MAX: variants seen among roughly 807,000 people sequenced by gnomAD.
MAX encodes MYC associated transcriptional regulator X.
A neutral mutation model predicts 22.3 loss-of-function variants in MAX; 3 were observed. The ratio of observed to expected loss-of-function variants is 0.13; its 90% CI spans 0.06 to 0.35. MAX has a LOEUF of 0.35. Among genes scored for constraint, MAX ranks in the 10% least tolerant of loss-of-function variants. The pLI is 1.00. For synonymous variants in MAX, 72 were observed against 77.7 expected (o/e 0.93, Z 0.39); for missense variants, 119 against 209.4 (o/e 0.57, Z 2.66).
intron 3 of MAX, among the ~76,000 whole-genome samples, chr14:65,040,283 GTA>G (rs570646451): frequency 0.01 from 1,500 of 146,996 alleles, 27 homozygotes; most frequent in African/African-American, 0.034. Context: ...ATATATGTGT[GTA>G]TATATATATA....
chr14:65,047,700 T>C lies in MAX; in HGVS notation c.172-41416A>G, dbSNP rs1327695700. Reference sequence around the variant, plus strand: ...CAGGGATATTAGCAAAGGATGTATATTGAAGTGGAGTTTCAATAGCAGCCT... The same window carrying C: ...CAGGGATATTAGCAAAGGATGTATACTGAAGTGGAGTTTCAATAGCAGCCT... On this transcript the variant is annotated intron_variant, in intron 3 of 3. Transcript: ENST00000341653. The surrounding 1 kb of genome is among the most constrained non-coding windows in gnomAD (Gnocchi z 5.2). 6.6e-6 allele frequency among the ~76,000 whole-genome samples: 1 copy of C among 152,168 alleles called. No individual in the cohort carries two copies. Among genetic ancestry groups the C allele is most frequent in the Admixed American group, 6.5e-5 (1 of 15,278 alleles).
In MAX at chr14:65,014,878, C is replaced by T. The variant is rs1472386693; in HGVS notation, c.172-8594G>A. Among the ~76,000 whole-genome samples the T allele has an allele frequency of 6.6e-6, 1 of 152,086 alleles. No homozygotes were observed. Among genetic ancestry groups the T allele is most frequent in the Non-Finnish European group, 1.5e-5 (1 of 68,004 alleles). ...CCCCAGTGTCTAATACAGTGCTTGG[C>T]ACAAGTAGATACTATCAAATATTTG... is the stretch of plus-strand genomic sequence containing the variant. On this transcript the variant is annotated intron_variant, in intron 3 of 3. Coordinates refer to the MAX transcript ENST00000341653. This position sits in a 1 kb window ranked among gnomAD's most constrained non-coding sequence, Gnocchi z 5.1.
chr14:65,019,410 C>T (rs2061845552), intron 3 of MAX, among the ~76,000 whole-genome samples: 1 of 151,968 alleles, frequency 6.6e-6, no homozygotes, highest in Admixed American at 6.6e-5. Context: ...TTGCTTGAAT[C>T]CGGGAGGCAG....
intron 3 of MAX, among the ~76,000 whole-genome samples, chr14:65,006,809 T>C (rs1322156708): frequency 6.6e-6 from 1 of 152,264 alleles, no homozygotes; most frequent in African/African-American, 2.4e-5. Context: ...AGAAAGACTT[T>C]TATTCACACT....
At position 65,093,986 on chromosome 14, in the gene MAX, A is replaced by G; in HGVS notation, c.64-171T>C. ...AGTCTCCAGAATTAGGCTCTGCTAA[A>G]GGGGGAGAAAGGGGTGAGCAACGCT... On this transcript the variant is annotated intron_variant, in intron 2 of 4. Coordinates refer to ENST00000358664, the MANE Select transcript of MAX (RefSeq NM_002382.5). This position sits in a 1 kb window ranked among gnomAD's most constrained non-coding sequence, Gnocchi z 4.4. 1 of 667,384 alleles carries G rather than the reference A, an allele frequency of 1.5e-6. No homozygotes were observed. The highest frequency in any genetic ancestry group is 1.6e-5 in the South Asian group (1 of 63,660). 41.3% of individuals were successfully genotyped at this position (667,384 alleles called of 1,614,324 possible). A position where few individuals can be genotyped will look rare whatever the true frequency, so the allele number is the denominator to read the frequency against.
intron 2 of MAX, among the ~76,000 whole-genome samples, chr14:65,095,665 C>G (rs2063645098): frequency 6.6e-6 from 1 of 152,136 alleles, no homozygotes; most frequent in African/African-American, 2.4e-5. Flanking sequence ...TATATACTAC[C>G]TAAGGTGGTT....
rs765160083 is a variant in MAX at position 65,030,729 on chromosome 14, G to C, written c.172-24445C>G. ...CACTGCAGCCTGGGCAACAAAGTGAGATCCTATCTTAAAAAAAAAAAAGAA... is the reference window on the plus strand; with the variant it reads ...CACTGCAGCCTGGGCAACAAAGTGACATCCTATCTTAAAAAAAAAAAAGAA... On this transcript the variant is annotated intron_variant, in intron 3 of 3. Coordinates refer to the MAX transcript ENST00000341653. The surrounding 1 kb of genome is among the most constrained non-coding windows in gnomAD (Gnocchi z 4.5). Among the ~76,000 whole-genome samples, 74 of 151,302 alleles carry C rather than the reference G, an allele frequency of 4.9e-4. No homozygotes were observed. The highest frequency in any genetic ancestry group is 7.5e-4 in the Non-Finnish European group (51 of 67,868).
intron 3 of MAX, among the ~76,000 whole-genome samples, chr14:65,034,429 T>C (rs1355041362): frequency 6.6e-6 from 1 of 152,252 alleles, no homozygotes; most frequent in Non-Finnish European, 1.5e-5. Context: ...TGTTCTAATC[T>C]CACACTTAAT....
intron 3 of MAX, among the ~76,000 whole-genome samples, chr14:65,018,914 C>T (rs1186718593): frequency 1.3e-5 from 2 of 152,022 alleles, no homozygotes; most frequent in Non-Finnish European, 2.9e-5. Flanking sequence ...AGTTTGAGAC[C>T]AGCCTGGCCA....
chr14:65,055,370 A>C (rs1460176305), intron 3 of MAX, among the ~76,000 whole-genome samples: 1 of 151,978 alleles, frequency 6.6e-6, no homozygotes, highest in African/African-American at 2.4e-5. Context: ...GACTGTCATG[A>C]ATTTTTGTGT....
intron 3 of MAX, among the ~76,000 whole-genome samples, chr14:65,037,402 CCTTTTTTTTTTTTTTTTTTTTTT>C (rs1366585622): frequency 0.015 from 222 of 14,520 alleles, 13 homozygotes; most frequent in African/African-American, 0.041. Context: ...CACGCCGGGC[CCTTTTTTTTTTTTTTTTTTTTTT>C]TTTTTTTTTT....
rs143016249 is a variant in MAX, at chr14:65,028,677, A to G, written c.172-22393T>C. On this transcript the variant is annotated intron_variant, in intron 3 of 3. Coordinates refer to the MAX transcript ENST00000341653. The surrounding 1 kb of genome is among the most constrained non-coding windows in gnomAD (Gnocchi z 4.4). ...ATCAGGCTGCAAAGGCCTTTAGTTC[A>G]AGATGTTCTTCTATCTCTAACTTGT... 1.4e-3 allele frequency among the ~76,000 whole-genome samples: 216 copies of G among 152,346 alleles called. 3 individuals carry two copies. The highest frequency in any genetic ancestry group is 1.6e-4 in the Non-Finnish European group (11 of 68,030).
upstream of MAX, chr14:65,102,650 A>T: frequency 9.5e-7 from 1 of 1,049,288 alleles, no homozygotes; most frequent in East Asian, 4.8e-5. Flanking sequence ...CAGAAAAACT[A>T]CAAATCCCGG....
chr14:65,095,364 T>C (rs1402448649), intron 2 of MAX, among the ~76,000 whole-genome samples: 2 of 152,216 alleles, frequency 1.3e-5, no homozygotes, highest in Non-Finnish European at 2.9e-5. Flanking sequence ...TACTGAACTA[T>C]AGTGACATGA....
intron 3 of MAX, chr14:65,041,032 G>T (rs1440467148): frequency 6.7e-7 from 1 of 1,495,150 alleles, no homozygotes; most frequent in African/African-American, 1.4e-5. Flanking sequence ...AAGAGAGTTA[G>T]CTCTGTTCCA....
rs1205047711 is a variant in MAX at position 65,030,429 on chromosome 14, A to G, written c.172-24145T>C. ...CTCAGTAAGTCTGACTTCATGTTAT[A>G]TCTATACTGAGTAAGATGGAAACCA... On this transcript the variant is annotated intron_variant, in intron 3 of 3. Transcript: ENST00000341653. This position sits in a 1 kb window ranked among gnomAD's most constrained non-coding sequence, Gnocchi z 4.5. Among the ~76,000 whole-genome samples the G allele has an allele frequency of 6.6e-6, 1 of 152,178 alleles. No individual in the cohort carries two copies. The highest frequency in any genetic ancestry group is 1.5e-5 in the Non-Finnish European group (1 of 68,032).
At chr14:65,046,474 G>T (rs147038172) in intron 3 of MAX, among the ~76,000 whole-genome samples, 12 of 152,330 alleles carry the variant, frequency 7.9e-5, no homozygotes, top group African/African-American at 2.4e-4. Context: ...TTCCAGGGGG[G>T]CTGCTGGTTA....
chr14:65,028,579 T>C lies in MAX; in HGVS notation c.172-22295A>G, dbSNP rs956728581. 1.3e-5 allele frequency among the ~76,000 whole-genome samples: 2 copies of C among 152,218 alleles called. No homozygotes were observed. Among genetic ancestry groups the C allele is most frequent in the African/African-American group, 4.8e-5 (2 of 41,446 alleles). ...CTGGCTTAAGCATCTGGTTTAACCA[T>C]TGGTTTGAAAGTATAGGGGAGGAAA... On this transcript the variant is annotated intron_variant, in intron 3 of 3. Coordinates refer to the MAX transcript ENST00000341653. The surrounding 1 kb of genome is among the most constrained non-coding windows in gnomAD (Gnocchi z 4.4).
chr14:65,034,591 T>C (rs1005347451), intron 3 of MAX, among the ~76,000 whole-genome samples: 1 of 152,232 alleles, frequency 6.6e-6, no homozygotes, highest in African/African-American at 2.4e-5. Flanking sequence ...TCATGCTCAA[T>C]GGTAAGGCAG....
Sources: gnomAD v4.1 joint callset for allele counts (sites outside exome capture counted in the v4.1 genomes callset) on GRCh38, gnomAD v4.1.1 for gene constraint, Gnocchi (gnomAD v3.1) non-coding constraint, MANE v1.5 for transcripts, NCBI Gene and HGNC (gene_info 2026-07-23, HGNC 2026-07-21) for gene names.